MAP3K5: variants seen among roughly 807,000 people sequenced by gnomAD.
MAP3K5 encodes the protein mitogen-activated protein kinase kinase kinase 5, also known as ASK-1.
In MAP3K5, 56 loss-of-function variants were observed where a neutral mutation model predicts 158.7. The observed-to-expected ratio is 0.35, with a 90% CI of 0.28 to 0.44. The LOEUF is 0.44. MAP3K5 is among the 20% of genes least tolerant of loss of function. MAP3K5 has a pLI of 1.00. For synonymous variants in MAP3K5, 579 were observed against 601.7 expected (o/e 0.96, Z 0.55); for missense variants, 1,294 against 1,674.8 (o/e 0.77, Z 3.97).
At chr6:136,585,201 C>G (rs1299902863) in intron 23 of MAP3K5, among the ~76,000 whole-genome samples, 3 of 150,612 alleles carry the variant, frequency 2.0e-5, no homozygotes, top group Non-Finnish European at 4.4e-5. Context: ...CAGCCCCTAA[C>G]TCCTGGGTTC....
chr6:136,611,514 T>C (rs1485628594), intron 17 of MAP3K5, 127 bp from the exon 18 acceptor site: 2 of 554,962 alleles, frequency 3.6e-6, no homozygotes, highest in African/African-American at 3.7e-5. Flanking sequence ...TAATTCTGTA[T>C]TCTTCATTAA....
At chr6:136,659,680 C>A (rs1036198481) in intron 8 of MAP3K5, among the ~76,000 whole-genome samples, 1 of 152,032 alleles carries the variant, frequency 6.6e-6, no homozygotes, top group African/African-American at 2.4e-5. Context: ...AATTCCTAAA[C>A]GTGGAAAGCA....
intron 1 of MAP3K5, among the ~76,000 whole-genome samples, chr6:136,767,926 A>G (rs1294359165): frequency 6.6e-6 from 1 of 152,194 alleles, no homozygotes; most frequent in East Asian, 1.9e-4. Context: ...TGATACGAAA[A>G]TCCAATGGCG....
At chr6:136,730,816 T>C (rs947128536) in intron 1 of MAP3K5, among the ~76,000 whole-genome samples, 1 of 150,214 alleles carries the variant, frequency 6.7e-6, no homozygotes, top group Non-Finnish European at 1.5e-5. Flanking sequence ...CAGAAAGAAA[T>C]GAGGCTTCCT....
chr6:136,757,900 A>G (rs1041025549), intron 1 of MAP3K5, among the ~76,000 whole-genome samples: 6 of 152,142 alleles, frequency 3.9e-5, no homozygotes, highest in Non-Finnish European at 7.4e-5. Flanking sequence ...TATAGATCTT[A>G]GAGGCTTCTT....
chr6:136,672,804 A>G (rs1779539154), intron 7 of MAP3K5, among the ~76,000 whole-genome samples: 2 of 152,086 alleles, frequency 1.3e-5, no homozygotes, highest in Non-Finnish European at 1.5e-5. Context: ...AGCCTGGCCA[A>G]CATGGTGAAA....
chr6:136,649,114 C>T (rs1309359363), intron 11 of MAP3K5, among the ~76,000 whole-genome samples: 1 of 152,176 alleles, frequency 6.6e-6, no homozygotes, highest in African/African-American at 2.4e-5. Flanking sequence ...GGATTACAGG[C>T]AAGTGCCACC....
intron 1 of MAP3K5, among the ~76,000 whole-genome samples, chr6:136,778,833 C>T (rs906311384): frequency 3.9e-5 from 6 of 152,044 alleles, no homozygotes; most frequent in Admixed American, 3.3e-4. Context: ...AAAAACTGAT[C>T]GACTGATGCT....
rs137909540 is a variant in MAP3K5, at chr6:136,576,826, A to G, written c.3517+3475T>C. Among the ~76,000 whole-genome samples, 279 of 152,272 alleles carry G rather than the reference A, an allele frequency of 1.8e-3. 1 individual carries two copies. Among genetic ancestry groups the G allele is most frequent in the Admixed American group, 4.6e-3 (71 of 15,292 alleles). Reference sequence around the variant, plus strand: ...AGTGGTCCCATAAGATTGTAATACTATATTTTACTATACCTTTTGTATGTT... The same window carrying G: ...AGTGGTCCCATAAGATTGTAATACTGTATTTTACTATACCTTTTGTATGTT... On this transcript the variant is annotated intron_variant, in intron 25 of 29. Transcript: ENST00000359015.
At chr6:136,579,113 A>G (rs1774750510) in intron 25 of MAP3K5, among the ~76,000 whole-genome samples, 1 of 152,180 alleles carries the variant, frequency 6.6e-6, no homozygotes. Flanking sequence ...TTAGTACAAT[A>G]GAACATGTTT....
intron 18 of MAP3K5, among the ~76,000 whole-genome samples, chr6:136,610,597 TAAA>T (rs201221344): frequency 3.1e-5 from 2 of 64,348 alleles, no homozygotes; most frequent in African/African-American, 5.8e-5. Context: ...AAATGTTTAA[TAAA>T]AAAAAAAAAA....
intron 11 of MAP3K5, among the ~76,000 whole-genome samples, chr6:136,645,579 TAA>T (rs1458270916): frequency 1.3e-5 from 2 of 152,242 alleles, no homozygotes; most frequent in African/African-American, 4.8e-5. Context: ...TCCTCAATCT[TAA>T]GTTTTTCTTT....
chr6:136,616,232 A>G (rs1776555546), intron 15 of MAP3K5, among the ~76,000 whole-genome samples: 1 of 152,036 alleles, frequency 6.6e-6, no homozygotes. Flanking sequence ...TCTCAACTAT[A>G]AGGGTATTTA....
Position 136,688,839 on chromosome 6 carries a change from C to T in MAP3K5, c.1253+5301G>A, listed in dbSNP as rs1263701376. ...TTGAAAACCAGGCCTTTTTGGATTA[C>T]CTATGCATTTCATTGTCACATACGA... On this transcript the variant is annotated intron_variant, in intron 7 of 29. Transcript: ENST00000359015. Among the ~76,000 whole-genome samples, 11 of 152,206 alleles carry T rather than the reference C, an allele frequency of 7.2e-5. No individual in the cohort carries two copies. The East Asian group carries it at 1.9e-3, about 27-fold the overall frequency.
chr6:136,761,030 C>CT (rs1308878083), intron 1 of MAP3K5, among the ~76,000 whole-genome samples: 2 of 152,018 alleles, frequency 1.3e-5, no homozygotes, highest in African/African-American at 2.4e-5. Flanking sequence ...GATCCCTCTC[C>CT]TTTTTTGCCC....
intron 24 of MAP3K5, 137 bp downstream of exon 24, chr6:136,583,418 G>A (rs962700444): frequency 1.4e-5 from 11 of 765,702 alleles, no homozygotes; most frequent in African/African-American, 8.9e-5. Flanking sequence ...ACTGAGAGGC[G>A]AATATCTCAC....
intron 1 of MAP3K5, among the ~76,000 whole-genome samples, chr6:136,738,105 AG>A: frequency 6.6e-6 from 1 of 152,378 alleles, no homozygotes; most frequent in South Asian, 2.1e-4. Context: ...GTCTTTCCAC[AG>A]GAAGTTTACA....
rs1159985613 is a variant in MAP3K5 at position 136,792,027 on chromosome 6, T to C, written c.131A>G (p.His44Arg). Residue 44 changes from histidine to arginine, a missense_variant, in exon 1 of 30, where the codon CAC (histidine) becomes CGC (arginine). By Grantham distance (29) the His-to-Arg change is conservative (BLOSUM62 0). Around this residue, in one of 5 missense-constraint regions of MAP3K5, gnomAD observed 690 missense variants for 870.5 expected, o/e 0.79. Coordinates refer to ENST00000359015, the MANE Select transcript of MAP3K5 (RefSeq NM_005923.4). This position sits in a 1 kb window ranked among gnomAD's most constrained non-coding sequence, Gnocchi z 5.7. ...GAAAVGEGEE[H>R]QLPPPPPGSF... ...GCCCGGCGGCGGCGGTGGCAGCTGG[T>C]GCTCCTCGCCCTCGCCCACCGCCGC... is the stretch of plus-strand genomic sequence containing the variant. 21 of 1,568,516 alleles carry C rather than the reference T, an allele frequency of 1.3e-5. No individual in the cohort carries two copies. The highest frequency in any genetic ancestry group is 1.8e-5 in the Non-Finnish European group (21 of 1,163,388).
intron 21 of MAP3K5, among the ~76,000 whole-genome samples, chr6:136,599,168 AGG>A (rs60470020): frequency 0.035 from 4,286 of 121,720 alleles, 89 homozygotes; most frequent in African/African-American, 0.043. Flanking sequence ...CAAAAAAAAA[AGG>A]GGGGGGGGGC....
Sources: gnomAD v4.1 joint callset for allele counts (sites outside exome capture counted in the v4.1 genomes callset) on GRCh38, gnomAD v4.1.1 for gene constraint, gnomAD v4.1.1 regional missense constraint, Gnocchi (gnomAD v3.1) non-coding constraint, MANE v1.5 for transcripts, NCBI Gene and HGNC (gene_info 2026-07-23, HGNC 2026-07-21) for gene names.